Variants in IMMP2L observed in about 807,000 individuals in gnomAD.
IMMP2L encodes mitochondrial inner membrane protease subunit 2.
A neutral mutation model predicts 19.3 loss-of-function variants in IMMP2L; 18 were observed. The ratio of observed to expected loss-of-function variants is 0.93; its 90% CI spans 0.64 to 1.38. The LOEUF (loss-of-function observed/expected upper bound fraction) is 1.38, where lower values mean the gene tolerates loss of function less well. IMMP2L is among the 40% of genes most tolerant of loss of function. The pLI, the probability that IMMP2L is intolerant of heterozygous loss-of-function variation, is 0.00. For missense variants in IMMP2L, 233 were observed against 218.2 expected, an observed-to-expected ratio of 1.07 and a Z score of -0.43; for synonymous variants, 76 against 73.0, an observed-to-expected ratio of 1.04 and a Z score of -0.21.
At chr7:110,680,634 T>C (rs1354825460) in intron 5 of IMMP2L, among the ~76,000 whole-genome samples, 1 of 152,164 alleles carries the variant, frequency 6.6e-6, no homozygotes. Context: ...CATGGCACAA[T>C]TGGCAACACC....
chr7:111,017,815 CAGA>C (rs1298759106), intron 3 of IMMP2L, among the ~76,000 whole-genome samples: 69 of 152,226 alleles, frequency 4.5e-4, no homozygotes, highest in African/African-American at 1.6e-3. Context: ...TAGGAGCCAT[CAGA>C]AGAAGAGAAA....
At chr7:110,716,933 G>A (rs116868951) in intron 5 of IMMP2L, among the ~76,000 whole-genome samples, 2,148 of 152,266 alleles carry the variant, frequency 0.014, 21 homozygotes, top group Non-Finnish European at 0.022. Context: ...ACTGAAACTG[G>A]AAACCTAAAA....
intron 4 of IMMP2L, among the ~76,000 whole-genome samples, chr7:110,905,920 T>C (rs1585212308): frequency 6.6e-6 from 1 of 152,226 alleles, no homozygotes; most frequent in South Asian, 2.1e-4. Flanking sequence ...TCTCTTTGTG[T>C]ATGAATCCAT....
At chr7:110,821,728 T>C (rs1803049107) in intron 5 of IMMP2L, among the ~76,000 whole-genome samples, 1 of 151,796 alleles carries the variant, frequency 6.6e-6, no homozygotes, top group Non-Finnish European at 1.5e-5. Context: ...CTGGCCAATA[T>C]GGTGAAACAC....
At chr7:110,748,011 C>G (rs1279738544) in intron 5 of IMMP2L, among the ~76,000 whole-genome samples, 1 of 152,112 alleles carries the variant, frequency 6.6e-6, no homozygotes, top group African/African-American at 2.4e-5. Context: ...ATCATCTCAG[C>G]CCAAAATCTC....
chr7:111,496,556 A>G (rs1351221879), intron 2 of IMMP2L, among the ~76,000 whole-genome samples: 1 of 152,188 alleles, frequency 6.6e-6, no homozygotes, highest in African/African-American at 2.4e-5. Context: ...GAGGGCTTGG[A>G]TACAAGAACA....
chr7:111,183,351 A>G (rs1421565458), intron 3 of IMMP2L, among the ~76,000 whole-genome samples: 2 of 152,156 alleles, frequency 1.3e-5, no homozygotes, highest in Non-Finnish European at 2.9e-5. Context: ...TACAAAACAA[A>G]AATATGCTGG....
At chr7:111,270,268 T>C (rs1818314906) in intron 3 of IMMP2L, among the ~76,000 whole-genome samples, 1 of 152,162 alleles carries the variant, frequency 6.6e-6, no homozygotes, top group Non-Finnish European at 1.5e-5. Context: ...ACAGATTCCA[T>C]TACTTGAAAG....
intron 3 of IMMP2L, among the ~76,000 whole-genome samples, chr7:111,163,911 A>C (rs1805540430): frequency 6.6e-6 from 1 of 152,044 alleles, no homozygotes; most frequent in Non-Finnish European, 1.5e-5. Context: ...ACTAGAATAG[A>C]TGGGGAGGAG....
At chr7:111,318,991 T>C (rs1824392482) in intron 3 of IMMP2L, among the ~76,000 whole-genome samples, 2 of 152,128 alleles carry the variant, frequency 1.3e-5, no homozygotes, top group Admixed American at 1.3e-4. Context: ...TTACCTTAAA[T>C]GTTGTCCACA....
At chr7:111,521,789 T>C (rs570961947) in intron 1 of IMMP2L, among the ~76,000 whole-genome samples, 1 of 152,252 alleles carries the variant, frequency 6.6e-6, no homozygotes, top group East Asian at 1.9e-4. Flanking sequence ...ATACCCCTGA[T>C]ATCTGTTCTC....
At chr7:111,349,216 G>C (rs1211543237) in intron 3 of IMMP2L, among the ~76,000 whole-genome samples, 5 of 151,874 alleles carry the variant, frequency 3.3e-5, no homozygotes, top group Non-Finnish European at 7.4e-5. Context: ...TAAAATATTG[G>C]CAAAATAACA....
chr7:111,046,478 T>C (rs1016895636), intron 3 of IMMP2L, among the ~76,000 whole-genome samples: 3 of 151,958 alleles, frequency 2.0e-5, no homozygotes, highest in African/African-American at 4.8e-5. Flanking sequence ...TAGAAAAGTA[T>C]ACACTGAAAG....
chr7:110,679,031 C>T (rs758159652), intron 5 of IMMP2L, among the ~76,000 whole-genome samples: 1 of 152,104 alleles, frequency 6.6e-6, no homozygotes, highest in Non-Finnish European at 1.5e-5. Flanking sequence ...CAGCTTTAAT[C>T]AGAATGCATT....
chr7:110,839,699 T>C (rs1432298810), intron 5 of IMMP2L, among the ~76,000 whole-genome samples: 3 of 152,150 alleles, frequency 2.0e-5, no homozygotes, highest in African/African-American at 4.8e-5. Context: ...ATTAAGCAGA[T>C]ATATCTACCA....
intron 5 of IMMP2L, among the ~76,000 whole-genome samples, chr7:110,775,215 C>T (rs545984398): frequency 6.7e-6 from 1 of 148,632 alleles, no homozygotes; most frequent in South Asian, 2.1e-4. Flanking sequence ...CTGCATTTTC[C>T]AAATATTTTA....
In IMMP2L at chr7:111,549,598, T is replaced by C. The variant is rs531946449; in HGVS notation, c.-3+12253A>G. Among the ~76,000 whole-genome samples the C allele has an allele frequency of 5.9e-4, 90 of 152,326 alleles. 1 individual carries two copies. Among genetic ancestry groups the C allele is most frequent in the Non-Finnish European group, 7.2e-4 (49 of 68,028 alleles). On this transcript the variant is annotated intron_variant, in intron 1 of 5. Coordinates refer to ENST00000405709, the MANE Select transcript of IMMP2L (RefSeq NM_032549.4). Reference sequence around the variant, plus strand: ...TCTCAAAAAATCTTCTAATATGTTGTCATAATCCACATACTCAGACTACAG... The same window carrying C: ...TCTCAAAAAATCTTCTAATATGTTGCCATAATCCACATACTCAGACTACAG...
intron 3 of IMMP2L, among the ~76,000 whole-genome samples, chr7:111,016,740 TTATA>T (rs1293913714): frequency 1.0e-5 from 1 of 97,510 alleles, no homozygotes; most frequent in East Asian, 2.8e-4. Flanking sequence ...AATATATATA[TTATA>T]TATATTATAT....
chr7:110,957,578 T>G (rs755381309), intron 4 of IMMP2L, among the ~76,000 whole-genome samples: 1 of 151,940 alleles, frequency 6.6e-6, no homozygotes, highest in African/African-American at 2.4e-5. Context: ...TCCAAAGTCC[T>G]TTCTAGGACC....
Sources: allele counts gnomAD v4.1 joint callset (sites outside exome capture counted in the v4.1 genomes callset), GRCh38; gene constraint gnomAD v4.1.1; transcripts MANE v1.5; gene names NCBI Gene and HGNC (gene_info 2026-07-23, HGNC 2026-07-21).